The following LINGO2 variants were observed in gnomAD, a reference collection of about 807,000 sequenced individuals.
LINGO2 encodes the protein leucine-rich repeat and immunoglobulin-like domain-containing nogo receptor-interacting protein 2.
Under a neutral mutation model 30.6 loss-of-function variants are expected in LINGO2, and 14 were observed. The observed-to-expected ratio is 0.46, with a 90% confidence interval of 0.30 to 0.72. The LOEUF is 0.72. Ranked by LOEUF, LINGO2 falls within the 30% of genes least tolerant of loss-of-function variation. The pLI is 0.07. For synonymous variants in LINGO2, 317 were observed against 288.5 expected, an observed-to-expected ratio of 1.10 and a Z score of -1.00; for missense variants, 729 against 751.7, an observed-to-expected ratio of 0.97 and a Z score of 0.35.
chr9:28,260,200 GA>G (rs995354406), intron 4 of LINGO2, among the ~76,000 whole-genome samples: 2 of 150,472 alleles, frequency 1.3e-5, no homozygotes, highest in Non-Finnish European at 3.0e-5. Context: ...ATATACAAAG[GA>G]TACTATACTA....
At chr9:27,974,867 G>A (rs1428364433) in intron 5 of LINGO2, among the ~76,000 whole-genome samples, 2 of 152,144 alleles carry the variant, frequency 1.3e-5, no homozygotes, top group African/African-American at 4.8e-5. Context: ...GGAATTCCAA[G>A]CCTATTTAAT....
the LINGO2 span, among the ~76,000 whole-genome samples, chr9:28,928,405 C>G: frequency 6.6e-6 from 1 of 152,092 alleles, no homozygotes; most frequent in African/African-American, 2.4e-5. Context: ...TATCCTAACT[C>G]TTACTCAGTC....
intron 4 of LINGO2, among the ~76,000 whole-genome samples, chr9:28,132,754 T>G (rs1827412712): frequency 6.6e-6 from 1 of 152,228 alleles, no homozygotes; most frequent in South Asian, 2.1e-4. Flanking sequence ...GTTGTTCCAC[T>G]TTGTGTTATT....
In LINGO2 at chr9:28,409,620, GGTGTGT is replaced by G. The variant is rs150611305; in HGVS notation, c.-278-36758_-278-36753del. Among the ~76,000 whole-genome samples, 460 of 146,268 alleles carry G rather than the reference GGTGTGT, an allele frequency of 3.1e-3. 2 individuals are homozygous for G. The highest frequency in any genetic ancestry group is 5.5e-3 in the Admixed American group (80 of 14,528). ...AAAGCTGGCTTAACAGATGTGCAGGGGTGTGTGTGTGTGTGTGTGTGTGTGTGTGTG... is the reference window on the plus strand; with the variant it reads ...AAAGCTGGCTTAACAGATGTGCAGGGGTGTGTGTGTGTGTGTGTGTGTGTG... On this transcript the variant is annotated intron_variant, in intron 2 of 5. Transcript: ENST00000379992.
intron 4 of LINGO2, among the ~76,000 whole-genome samples, chr9:28,101,497 A>G (rs1285284796): frequency 6.6e-6 from 1 of 152,196 alleles, no homozygotes; most frequent in African/African-American, 2.4e-5. Context: ...TGCACAGCCT[A>G]ATACCTCACA....
chr9:28,750,845 T>G, the LINGO2 span, among the ~76,000 whole-genome samples: 2 of 152,044 alleles, frequency 1.3e-5, no homozygotes, highest in Admixed American at 1.3e-4. Context: ...CCTTTTGAGC[T>G]CCTAGATGTC....
chr9:28,467,725 A>G (rs1400593957), intron 2 of LINGO2, among the ~76,000 whole-genome samples: 3 of 152,112 alleles, frequency 2.0e-5, no homozygotes, highest in Non-Finnish European at 4.4e-5. Flanking sequence ...AAAGAAGCCT[A>G]ATTCAACACA....
At chr9:28,622,456 C>A (rs1244229242) in intron 1 of LINGO2, among the ~76,000 whole-genome samples, 1 of 151,918 alleles carries the variant, frequency 6.6e-6, no homozygotes, top group South Asian at 2.1e-4. Context: ...GTTTGTCTTT[C>A]TGTGTCTGGC....
At chr9:28,189,313 A>G (rs71512428) in intron 4 of LINGO2, among the ~76,000 whole-genome samples, 771 of 15,646 alleles carry the variant, frequency 0.049, 23 homozygotes, top group Non-Finnish European at 0.055. Context: ...GGGAGGAAGG[A>G]AGGAAGGAAG....
intron 4 of LINGO2, among the ~76,000 whole-genome samples, chr9:28,123,955 C>T (rs888591109): frequency 1.3e-5 from 2 of 152,066 alleles, no homozygotes; most frequent in East Asian, 1.9e-4. Context: ...TGTGAGCCAC[C>T]GCACCCAGCC....
intron 5 of LINGO2, among the ~76,000 whole-genome samples, chr9:27,973,142 G>T (rs1367243518): frequency 3.3e-5 from 5 of 152,104 alleles, no homozygotes; most frequent in Admixed American, 1.3e-4. Context: ...ATAATTGCAT[G>T]ATCCAATGAC....
the LINGO2 span, among the ~76,000 whole-genome samples, chr9:28,727,617 C>T: frequency 6.6e-6 from 1 of 152,112 alleles, no homozygotes; most frequent in South Asian, 2.1e-4. Context: ...TTTGTCACCA[C>T]TGGTCTTTCA....
the LINGO2 span, among the ~76,000 whole-genome samples, chr9:29,191,715 T>C: frequency 6.6e-6 from 1 of 152,170 alleles, no homozygotes; most frequent in Non-Finnish European, 1.5e-5. Context: ...AGACAAATCA[T>C]CTGCCATGCA....
the LINGO2 span, among the ~76,000 whole-genome samples, chr9:28,947,553 A>C: frequency 1.3e-5 from 2 of 151,922 alleles, no homozygotes; most frequent in Non-Finnish European, 2.9e-5. Context: ...ATTGTGCCCT[A>C]CTCCACTTCA....
At chr9:28,692,430 G>A in the LINGO2 span, among the ~76,000 whole-genome samples, 1 of 152,018 alleles carries the variant, frequency 6.6e-6, no homozygotes, top group Non-Finnish European at 1.5e-5. Flanking sequence ...AGCCAAGATC[G>A]TGCCAGTTCA....
Position 28,394,905 on chromosome 9 carries a change from G to T in LINGO2, c.-278-22037C>A, listed in dbSNP as rs375392221. ...CTTCTTTAGTAAAATGAACACAAGT[G>T]CAGAGTGTATTAATTTCATTACAAG... On this transcript the variant is annotated intron_variant, in intron 2 of 5. Coordinates refer to ENST00000379992, the Ensembl canonical transcript of LINGO2. Among the ~76,000 whole-genome samples the T allele has an allele frequency of 3.4e-4, 52 of 152,320 alleles. No homozygotes were observed. In the East Asian group the frequency reaches 5.2e-3, roughly 15 times the overall value.
chr9:28,053,479 A>T (rs753693368), intron 4 of LINGO2, among the ~76,000 whole-genome samples: 63 of 152,138 alleles, frequency 4.1e-4, no homozygotes, highest in Non-Finnish European at 7.8e-4. Context: ...CATCTTGACA[A>T]AAATAGAATA....
the LINGO2 span, among the ~76,000 whole-genome samples, chr9:28,836,604 C>T: frequency 6.6e-6 from 1 of 152,096 alleles, no homozygotes; most frequent in Non-Finnish European, 1.5e-5. Flanking sequence ...GCATGAGCCA[C>T]CACGCCTGGC....
At chr9:29,128,092 A>T in the LINGO2 span, among the ~76,000 whole-genome samples, 1 of 152,094 alleles carries the variant, frequency 6.6e-6, no homozygotes, top group Non-Finnish European at 1.5e-5. Flanking sequence ...ATAAGTCAAG[A>T]TCTTCATCCA....
Sources: gnomAD v4.1 joint callset for allele counts (sites outside exome capture counted in the v4.1 genomes callset) on GRCh38, gnomAD v4.1.1 for gene constraint, MANE v1.5 for transcripts, NCBI Gene and HGNC (gene_info 2026-07-23, HGNC 2026-07-21) for gene names.